WWC1: variants seen among roughly 807,000 people sequenced by gnomAD.
WWC1 encodes protein KIBRA.
A neutral mutation model predicts 138.4 loss-of-function variants in WWC1; 55 were observed. That is an observed-to-expected ratio of 0.40 (90% CI 0.32 to 0.50). The LOEUF (loss-of-function observed/expected upper bound fraction) is 0.50, where lower values mean the gene tolerates loss of function less well. Ranked by LOEUF, WWC1 falls within the 20% of genes least tolerant of loss-of-function variation. WWC1 has a pLI of 0.72. For missense variants in WWC1, 1,226 were observed against 1,420.4 expected (o/e 0.86, Z 2.20); for synonymous variants, 524 against 564.9 (o/e 0.93, Z 1.03).
intron 1 of WWC1, among the ~76,000 whole-genome samples, chr5:168,367,777 A>C (rs1335109816): frequency 1.3e-5 from 2 of 152,184 alleles, no homozygotes; most frequent in Admixed American, 1.3e-4. Flanking sequence ...GGAATGTCAC[A>C]TACACAGCTT....
At chr5:168,408,433 G>A in intron 6 of WWC1, 74 bp from the exon 7 acceptor site, 4 of 1,543,974 alleles carry the variant, frequency 2.6e-6, no homozygotes, top group Non-Finnish European at 3.5e-6. Flanking sequence ...AGAGAGGGAA[G>A]CACAGGGAGC....
intron 10 of WWC1, 67 bp downstream of exon 10, chr5:168,422,164 C>A: frequency 6.7e-7 from 1 of 1,488,688 alleles, no homozygotes. Context: ...CCCAGTGTCC[C>A]AGCCCAGGCT....
intron 1 of WWC1, among the ~76,000 whole-genome samples, chr5:168,336,838 G>A (rs1773512643): frequency 6.6e-6 from 1 of 152,158 alleles, no homozygotes; most frequent in Non-Finnish European, 1.5e-5. Flanking sequence ...GGTCTATAGT[G>A]TGTGACTGTA....
chr5:168,393,700 A>G lies in WWC1; in HGVS notation c.434-4024A>G, dbSNP rs1410053032. On this transcript the variant is annotated intron_variant, in intron 3 of 22. Transcript: ENST00000265293. ...TATACAGAGAGGTGAGGAGACACACAGAGGAACACAAAGGCGGATCTCAGG... is the reference window on the plus strand; with the variant it reads ...TATACAGAGAGGTGAGGAGACACACGGAGGAACACAAAGGCGGATCTCAGG... Among the ~76,000 whole-genome samples, 3 of 152,228 alleles carry G rather than the reference A, an allele frequency of 2.0e-5. 1 individual carries two copies. Among genetic ancestry groups the G allele is most frequent in the Non-Finnish European group, 4.4e-5 (3 of 68,032 alleles).
At chr5:168,398,705 C>G (rs1228310085) in intron 4 of WWC1, among the ~76,000 whole-genome samples, 1 of 152,150 alleles carries the variant, frequency 6.6e-6, no homozygotes, top group East Asian at 1.9e-4. Flanking sequence ...TCCACAAACT[C>G]AGATGCCTGC....
intron 22 of WWC1, among the ~76,000 whole-genome samples, chr5:168,468,292 G>A (rs796295059): frequency 3.9e-5 from 6 of 152,250 alleles, no homozygotes; most frequent in African/African-American, 1.4e-4. Context: ...ATAAACCTAG[G>A]GGTGATGGAT....
At chr5:168,350,516 C>T (rs566473923) in intron 1 of WWC1, among the ~76,000 whole-genome samples, 22 of 152,292 alleles carry the variant, frequency 1.4e-4, no homozygotes, top group East Asian at 1.2e-3. Context: ...GCGTGGGTCA[C>T]GAGGGTGCTT....
chr5:168,343,213 A>G (rs1774192221), intron 1 of WWC1, among the ~76,000 whole-genome samples: 1 of 152,164 alleles, frequency 6.6e-6, no homozygotes, highest in African/African-American at 2.4e-5. Flanking sequence ...TACTTTCTTG[A>G]TGACGGGGCC....
chr5:168,385,159 C>T, intron 2 of WWC1, 52 bp from the exon 3 acceptor site: 1 of 1,599,534 alleles, frequency 6.3e-7, no homozygotes, highest in South Asian at 1.1e-5. Context: ...AGGCCACCAG[C>T]CCAACAGATA....
intron 2 of WWC1, among the ~76,000 whole-genome samples, chr5:168,376,691 CA>C (rs34061163): frequency 0.45 from 67,505 of 149,572 alleles, 15,437 homozygotes; most frequent in African/African-American, 0.55. Flanking sequence ...TAGCCACACA[CA>C]AAAAAAAAAT....
intron 15 of WWC1, among the ~76,000 whole-genome samples, chr5:168,441,383 A>G (rs1314482618): frequency 3.3e-5 from 5 of 152,214 alleles, no homozygotes; most frequent in African/African-American, 9.7e-5. Flanking sequence ...TGAACTGTGC[A>G]CTTAAAAGCG....
chr5:168,439,059 G>C (rs1218065826), intron 15 of WWC1, among the ~76,000 whole-genome samples: 1 of 151,926 alleles, frequency 6.6e-6, no homozygotes, highest in African/African-American at 2.4e-5. Flanking sequence ...ATATGATCAT[G>C]GTCACTCCCC....
At chr5:168,376,077 CAG>C (rs1250245037) in intron 2 of WWC1, among the ~76,000 whole-genome samples, 19 of 149,770 alleles carry the variant, frequency 1.3e-4, no homozygotes, top group Non-Finnish European at 4.4e-5. Context: ...TTCTTCTAGA[CAG>C]AGTCTTGCTC....
At position 168,454,114 on chromosome 5, in the gene WWC1, G is replaced by T. The variant is rs756689236; in HGVS notation, c.2658+14G>T. On this transcript the variant is annotated intron_variant, in intron 18 of 22. Transcript: ENST00000265293. The stretch of plus-strand genomic sequence containing the variant: ...CCAGCATTAAAGGTAGGAAGGGCTG[G>T]GGGGATAGAAGGGCTGTCGTGGGGA... 3 of 1,609,690 alleles carry T rather than the reference G, an allele frequency of 1.9e-6. No individual in the cohort carries two copies. The East Asian group carries it at 6.7e-5, about 36-fold the overall frequency.
chr5:168,459,974 T>C (rs1756661624), intron 19 of WWC1, among the ~76,000 whole-genome samples: 1 of 152,172 alleles, frequency 6.6e-6, no homozygotes, highest in Non-Finnish European at 1.5e-5. Context: ...CCATCCTGAC[T>C]ACAGGCCTGA....
chr5:168,468,295 T>G (rs568936431), intron 22 of WWC1, among the ~76,000 whole-genome samples: 1 of 152,192 alleles, frequency 6.6e-6, no homozygotes, highest in African/African-American at 2.4e-5. Flanking sequence ...AACCTAGGGG[T>G]GATGGATGCT....
chr5:168,352,915 A>G (rs1775096977), intron 1 of WWC1, among the ~76,000 whole-genome samples: 1 of 152,122 alleles, frequency 6.6e-6, no homozygotes, highest in African/African-American at 2.4e-5. Context: ...ACAAAATAGT[A>G]CCATCTCACA....
At chr5:168,350,546 C>T (rs1288777600) in intron 1 of WWC1, among the ~76,000 whole-genome samples, 1 of 152,192 alleles carries the variant, frequency 6.6e-6, no homozygotes, top group Non-Finnish European at 1.5e-5. Context: ...TTGAGCATGC[C>T]TCTTCTGGAC....
At position 168,441,662 on chromosome 5, in the gene WWC1, C is replaced by T; in HGVS notation, c.2281-20C>T. On this transcript the variant is annotated intron_variant, in intron 15 of 22. Transcript: ENST00000265293. ...CCCCCCCACCGCCACTTATGTTCTCCTTGTTTCCATCCCCAACAGGGAGGC... is the reference window on the plus strand; with the variant it reads ...CCCCCCCACCGCCACTTATGTTCTCTTTGTTTCCATCCCCAACAGGGAGGC... 6.2e-7 allele frequency: 1 copy of T among 1,612,408 alleles called. No individual in the cohort carries two copies. Among genetic ancestry groups the T allele is most frequent in the Non-Finnish European group, 8.5e-7 (1 of 1,179,134 alleles).
Sources: gnomAD v4.1 joint callset for allele counts (sites outside exome capture counted in the v4.1 genomes callset) on GRCh38, gnomAD v4.1.1 for gene constraint, MANE v1.5 for transcripts, NCBI Gene and HGNC (gene_info 2026-07-23, HGNC 2026-07-21) for gene names.